The following SLC12A3 variants were observed in gnomAD, a reference collection of about 807,000 sequenced individuals.
The protein encoded by SLC12A3 is solute carrier family 12 member 3, also known as Na-Cl cotransporter.
A neutral mutation model predicts 121.0 loss-of-function variants in SLC12A3; 104 were observed. The ratio of observed to expected loss-of-function variants is 0.86; its 90% CI spans 0.73 to 1.01. The LOEUF (loss-of-function observed/expected upper bound fraction) is 1.01. SLC12A3 is among the 50% of genes least tolerant of loss of function. SLC12A3 has a pLI of 0.00. For missense variants in SLC12A3, 1,328 were observed against 1,356.3 expected, an observed-to-expected ratio of 0.98 and a Z score of 0.33; for synonymous variants, 536 against 533.4, an observed-to-expected ratio of 1.00 and a Z score of -0.07.
chr16:56,890,805 G>A (rs1267463077), intron 19 of SLC12A3, among the ~76,000 whole-genome samples: 3 of 151,948 alleles, frequency 2.0e-5, no homozygotes, highest in Non-Finnish European at 4.4e-5. Context: ...GGGAGGCTGA[G>A]GCAGGAGAAT....
At position 56,886,995 on chromosome 16, in the gene SLC12A3, A is replaced by T. The variant is rs2055321742; in HGVS notation, c.2080A>T (p.Asn694Tyr). The T allele has an allele frequency of 3.9e-5, 63 of 1,612,682 alleles. No individual in the cohort carries two copies. The highest frequency in any genetic ancestry group is 5.3e-5 in the Non-Finnish European group (62 of 1,179,406). ...GATGCCTGAGCTCCAGCTCATCGCC[A>T]ACGGGCACACCAAGTGGCTGAACAA... ...QRMPELQLIA[N>Y]GHTKWLNKRK... The change falls in exon 17 of 26, where the codon AAC (asparagine) becomes TAC (tyrosine). Residue 694 changes from asparagine to tyrosine, a missense_variant. By Grantham distance (143) the Asn-to-Tyr change is moderately radical. Transcript: ENST00000563236.
At chr16:56,876,729 C>T (rs2055168718) in intron 8 of SLC12A3, among the ~76,000 whole-genome samples, 1 of 152,220 alleles carries the variant, frequency 6.6e-6, no homozygotes, top group South Asian at 2.1e-4. Context: ...ATCTGCGGTG[C>T]CATCTGCTAA....
intron 25 of SLC12A3, among the ~76,000 whole-genome samples, chr16:56,911,307 T>TGTTTGTTTG (rs2055681451): frequency 6.7e-6 from 1 of 148,338 alleles, no homozygotes; most frequent in Non-Finnish European, 1.5e-5. Context: ...TTTTGAGACC[T>TGTTTGTTTG]TTTGTTTGTT....
intron 22 of SLC12A3, among the ~76,000 whole-genome samples, chr16:56,895,687 G>A (rs1206908512): frequency 1.3e-5 from 2 of 152,258 alleles, no homozygotes; most frequent in East Asian, 3.9e-4. Flanking sequence ...TTTTTCCACA[G>A]GCTTGGGGGA....
At chr16:56,884,507 G>A (rs1269622875) in intron 14 of SLC12A3, among the ~76,000 whole-genome samples, 2 of 152,222 alleles carry the variant, frequency 1.3e-5, no homozygotes, top group African/African-American at 2.4e-5. Context: ...TGTCCCCCAA[G>A]AGGGGCCAGC....
intron 25 of SLC12A3, among the ~76,000 whole-genome samples, chr16:56,912,655 G>C (rs2055701180): frequency 6.6e-6 from 1 of 152,224 alleles, no homozygotes; most frequent in Non-Finnish European, 1.5e-5. Context: ...ACTGGGAAAA[G>C]GGGGGTGAAT....
chr16:56,872,200 T>C, intron 6 of SLC12A3, 151 bp from the exon 7 acceptor site: 1 of 673,132 alleles, frequency 1.5e-6, no homozygotes, highest in Non-Finnish European at 2.7e-6. Context: ...TATTCCCAAC[T>C]CCTTGAACAG....
intron 10 of SLC12A3, 146 bp downstream of exon 10, chr16:56,879,373 C>A: frequency 8.4e-7 from 1 of 1,190,226 alleles, no homozygotes; most frequent in Non-Finnish European, 1.2e-6. Flanking sequence ...GAGCCCAGGT[C>A]TGTCCAGTCC....
intron 25 of SLC12A3, among the ~76,000 whole-genome samples, chr16:56,905,792 G>T (rs2055600904): frequency 6.6e-6 from 1 of 152,154 alleles, no homozygotes; most frequent in Non-Finnish European, 1.5e-5. Context: ...AGGAGGAGGG[G>T]GTAGGGGTTC....
chr16:56,872,740 C>A lies in SLC12A3; in HGVS notation c.1049C>A (p.Ser350Ter). ...FFGMFSIFFP[S>*]ATGILAGANI... ...GGAATGTTCTCCATCTTCTTCCCCTCGGCCACAGGCATCCTGGCAGGGGCC... is the reference window on the plus strand; with the variant it reads ...GGAATGTTCTCCATCTTCTTCCCCTAGGCCACAGGCATCCTGGCAGGGGCC... The change falls in exon 8 of 26, where the codon TCG (serine) becomes TAG (stop). Residue 350 changes from serine (S) to a stop codon, truncating the protein, a stop_gained. Transcript: ENST00000563236. LOFTEE classifies it high-confidence loss of function. The A allele has an allele frequency of 6.2e-7, 1 of 1,614,232 alleles. No individual in the cohort carries two copies. The highest frequency in any genetic ancestry group is 8.5e-7 in the Non-Finnish European group (1 of 1,180,032).
chr16:56,884,305 G>C, intron 14 of SLC12A3, 101 bp downstream of exon 14: 1 of 1,245,636 alleles, frequency 8.0e-7, no homozygotes, highest in Non-Finnish European at 1.2e-6. Flanking sequence ...GTCCGGCTCT[G>C]TGCTGTCCAG....
At chr16:56,895,802 T>A (rs2055454830) in intron 22 of SLC12A3, among the ~76,000 whole-genome samples, 1 of 152,124 alleles carries the variant, frequency 6.6e-6, no homozygotes, top group Non-Finnish European at 1.5e-5. Context: ...CAACTCACCA[T>A]AATGTAGAAT....
rs1304395248 is a variant in SLC12A3 at position 56,888,043 on chromosome 16, G to T, written c.2285+12G>T. ...ATTGGCATCCTCCAGTGAGTCGGGG[G>T]AGAGGAAGGGGCTTGGGGTCTGTTA... On this transcript the variant is annotated intron_variant, in intron 18 of 25. Transcript: ENST00000563236. The T allele has an allele frequency of 6.3e-7, 1 of 1,587,312 alleles. No individual in the cohort carries two copies. Among genetic ancestry groups the T allele is most frequent in the African/African-American group, 1.3e-5 (1 of 74,314 alleles).
Position 56,904,478 on chromosome 16 carries a change from C to G in SLC12A3, c.2924+16C>G. 1.9e-6 allele frequency: 3 copies of G among 1,611,844 alleles called. No homozygotes were observed. The highest frequency in any genetic ancestry group is 2.5e-6 in the Non-Finnish European group (3 of 1,178,196). ...TCATCGTCATGTAAGTAGTGCCCGG[C>G]TGGTGGGAGGACCAGTCTGTCCAGA... On this transcript the variant is annotated intron_variant, in intron 25 of 25. Coordinates refer to ENST00000563236, the MANE Select transcript of SLC12A3 (RefSeq NM_001126108.2).
chr16:56,872,257 G>C (rs550655186), intron 6 of SLC12A3, 94 bp from the exon 7 acceptor site: 9 of 825,360 alleles, frequency 1.1e-5, no homozygotes, highest in Non-Finnish European at 1.9e-5. Context: ...GTGAATAATG[G>C]AGAAACGGGC....
rs1185434453 is a variant in SLC12A3 at position 56,899,575 on chromosome 16, C to T, written c.2679C>T (p.Val893=). The T allele has an allele frequency of 2.5e-6, 4 of 1,614,048 alleles. No individual in the cohort carries two copies. Among genetic ancestry groups the T allele is most frequent in the Non-Finnish European group, 3.4e-6 (4 of 1,179,986 alleles). ...LSKFRLGFHE[V]HILPDINQNP... ...AGTTCCGACTGGGATTCCATGAAGT[C>T]CACATCCTCCCTGACATCAACCAGA... Residue 893 remains valine, a synonymous_variant, in exon 23 of 26, where the codon GTC becomes GTT. Coordinates refer to ENST00000563236, the MANE Select transcript of SLC12A3 (RefSeq NM_001126108.2).
Position 56,884,048 on chromosome 16 carries a change from G to A in SLC12A3, c.1670-1G>A. 4 of 1,614,158 alleles carry A rather than the reference G, an allele frequency of 2.5e-6. No individual in the cohort carries two copies. Among genetic ancestry groups the A allele is most frequent in the Non-Finnish European group, 3.4e-6 (4 of 1,180,008 alleles). The stretch of plus-strand genomic sequence containing the variant: ...CCCACTGACTGGTGCCCTTGGCCCA[G>A]GGTGGAGACCTTCATTCCAATACTA... On this transcript the variant is annotated splice_acceptor_variant, in intron 13 of 25. Transcript: ENST00000563236. LOFTEE classifies it high-confidence loss of function.
chr16:56,910,712 A>C (rs918607264), intron 25 of SLC12A3, among the ~76,000 whole-genome samples: 1 of 152,188 alleles, frequency 6.6e-6, no homozygotes, highest in Non-Finnish European at 1.5e-5. Context: ...AAGTTAAGCA[A>C]CTTGGCCAGG....
chr16:56,893,962 T>G (rs2055425414), intron 21 of SLC12A3, among the ~76,000 whole-genome samples: 1 of 141,808 alleles, frequency 7.1e-6, no homozygotes, highest in Non-Finnish European at 1.5e-5. Context: ...ATTTTTATTT[T>G]TATTTTTATT....
Sources: gnomAD v4.1 joint callset for allele counts (sites outside exome capture counted in the v4.1 genomes callset) on GRCh38, gnomAD v4.1.1 for gene constraint, MANE v1.5 for transcripts, NCBI Gene and HGNC (gene_info 2026-07-23, HGNC 2026-07-21) for gene names.